NEBL: variants seen among roughly 807,000 people sequenced by gnomAD.
NEBL encodes LIM and SH3 protein 2.
NEBL carries 122 observed loss-of-function variants against 140.2 expected under a neutral mutation model. The ratio of observed to expected loss-of-function variants is 0.87; its 90% CI spans 0.75 to 1.01. NEBL has a LOEUF of 1.01. Among genes scored for constraint, NEBL ranks in the 50% least tolerant of loss-of-function variants. The probability of loss-of-function intolerance (pLI) is 0.00; values close to 1 mark genes in which losing one functional copy is unlikely to be tolerated. For missense variants in NEBL, 1,365 were observed against 1,231.3 expected (o/e 1.11, Z -1.62); for synonymous variants, 436 against 398.9 (o/e 1.09, Z -1.11).
chr10:20,943,963 G>A (rs1289428095), intron 4 of NEBL, among the ~76,000 whole-genome samples: 3 of 152,138 alleles, frequency 2.0e-5, no homozygotes, highest in Non-Finnish European at 2.9e-5. Context: ...CAATGTCTAC[G>A]GTCTAGTCTC....
At chr10:21,047,051 G>A (rs778049198) in intron 2 of NEBL, among the ~76,000 whole-genome samples, 2 of 152,176 alleles carry the variant, frequency 1.3e-5, no homozygotes, top group Non-Finnish European at 2.9e-5. Context: ...ATGGTTTACA[G>A]AATAAAATGT....
intron 4 of NEBL, among the ~76,000 whole-genome samples, chr10:20,928,271 G>A (rs1834007993): frequency 6.6e-6 from 1 of 152,094 alleles, no homozygotes; most frequent in African/African-American, 2.4e-5. Context: ...TTTAAACTAA[G>A]TAAAATTAAG....
intron 2 of NEBL, among the ~76,000 whole-genome samples, chr10:21,038,773 T>C (rs1434596672): frequency 6.6e-6 from 1 of 152,208 alleles, no homozygotes; most frequent in African/African-American, 2.4e-5. Context: ...TCTAGATCCT[T>C]GAGAAATCAC....
chr10:20,915,237 C>T (rs1270643253), intron 4 of NEBL, among the ~76,000 whole-genome samples: 1 of 151,866 alleles, frequency 6.6e-6, no homozygotes, highest in African/African-American at 2.4e-5. Flanking sequence ...TGCAAGGAAC[C>T]AGGCTTTGAA....
At chr10:20,902,162 G>A (rs1272697811), upstream of NEBL, among the ~76,000 whole-genome samples, 1 of 152,084 alleles carries the variant, frequency 6.6e-6, no homozygotes, top group African/African-American at 2.4e-5. Context: ...CCAGCACTTT[G>A]GGAGACCGAG....
chr10:21,061,447 GTATATTACATGATATATGATATATCA>G (rs1461936390), intron 2 of NEBL, among the ~76,000 whole-genome samples: 1 of 145,924 alleles, frequency 6.9e-6, no homozygotes, highest in African/African-American at 2.5e-5. Flanking sequence ...GATATATATC[GTATATTACATGATATATGATATATCA>G]TATATTACAT....
chr10:21,029,483 G>A, intron 2 of NEBL: 1 of 1,611,542 alleles, frequency 6.2e-7, no homozygotes, highest in Non-Finnish European at 8.5e-7. Context: ...GAGTCTCTAG[G>A]TAACAGGAGA....
At chr10:21,243,456 G>T (rs145507923) in intron 3 of NEBL, among the ~76,000 whole-genome samples, 1 of 151,894 alleles carries the variant, frequency 6.6e-6, no homozygotes, top group South Asian at 2.1e-4. Flanking sequence ...ACAGGTGCAC[G>T]CCATCACGCC....
At chr10:21,015,483 T>C (rs187843363) in intron 3 of NEBL, among the ~76,000 whole-genome samples, 16 of 152,334 alleles carry the variant, frequency 1.1e-4, no homozygotes, top group African/African-American at 3.8e-4. Context: ...ATTAAAATAA[T>C]CAGTAAATTT....
At chr10:21,024,170 T>C (rs570972345) in intron 2 of NEBL, among the ~76,000 whole-genome samples, 1 of 152,246 alleles carries the variant, frequency 6.6e-6, no homozygotes, top group African/African-American at 2.4e-5. Flanking sequence ...ATGCAATGTA[T>C]ACTGATATCT....
intron 1 of NEBL, among the ~76,000 whole-genome samples, chr10:21,255,383 A>T (rs1031605713): frequency 2.4e-4 from 36 of 152,124 alleles, no homozygotes; most frequent in Admixed American, 4.6e-4. Context: ...CGAGCTGAGG[A>T]TCTAACATGT....
intron 3 of NEBL, among the ~76,000 whole-genome samples, chr10:21,019,942 C>G (rs138010324): frequency 6.6e-6 from 1 of 152,152 alleles, no homozygotes; most frequent in Non-Finnish European, 1.5e-5. Flanking sequence ...AATTCAAGAC[C>G]GGGAACAGTA....
chr10:21,084,373 CGCT>C (rs1384302058), intron 2 of NEBL, among the ~76,000 whole-genome samples: 7 of 152,140 alleles, frequency 4.6e-5, no homozygotes, highest in Admixed American at 1.3e-4. Context: ...GTTTCTCTCT[CGCT>C]GCAATCACTG....
intron 4 of NEBL, among the ~76,000 whole-genome samples, chr10:20,931,888 A>G (rs1231362503): frequency 1.3e-5 from 2 of 152,256 alleles, no homozygotes; most frequent in African/African-American, 4.8e-5. Flanking sequence ...AAGGAAAGAA[A>G]TAATAAAGAA....
At chr10:20,917,695 A>T (rs1833372581) in intron 4 of NEBL, among the ~76,000 whole-genome samples, 1 of 152,204 alleles carries the variant, frequency 6.6e-6, no homozygotes. Context: ...CTCTCTAAAC[A>T]TCATGTAAAA....
In NEBL at chr10:20,889,998, T is replaced by A. The variant is rs77136151; in HGVS notation, c.154-49A>T. On this transcript the variant is annotated intron_variant, in intron 2 of 27. Transcript: ENST00000377122. The stretch of plus-strand genomic sequence containing the variant: ...AAGAAGAGAAAAAGAAAAACAATTC[T>A]AATGGCCTTTTTTGAATGATAATTA... 2.3e-3 allele frequency: 2,824 copies of A among 1,224,850 alleles called. 73 individuals carry two copies. In the East Asian group the frequency reaches 0.049, roughly 21 times the overall value. 75.9% of individuals were successfully genotyped at this position (1,224,850 alleles called of 1,614,324 possible). A position where few individuals can be genotyped will look rare whatever the true frequency, so the allele number is the denominator to read the frequency against.
intron 2 of NEBL, among the ~76,000 whole-genome samples, chr10:21,082,477 A>T (rs2131939283): frequency 6.7e-6 from 1 of 148,602 alleles, no homozygotes; most frequent in Middle Eastern, 3.4e-3. Flanking sequence ...AGGAATAAAA[A>T]TGTTCTTTGT....
chr10:20,807,653 G>C lies in NEBL; in HGVS notation c.2761+857C>G, dbSNP rs115034474. 2.0e-3 allele frequency among the ~76,000 whole-genome samples: 297 copies of C among 150,856 alleles called. 1 individual carries two copies. The highest frequency in any genetic ancestry group is 7.1e-3 in the African/African-American group (288 of 40,464). On this transcript the variant is annotated intron_variant, in intron 26 of 27. Coordinates refer to ENST00000377122, the MANE Select transcript of NEBL (RefSeq NM_006393.3). ...TTTTTACCCACCAAGGTGTTAAGTTGCTCAACCTCAAAATTTCCTACCTTT... is the reference window on the plus strand; with the variant it reads ...TTTTTACCCACCAAGGTGTTAAGTTCCTCAACCTCAAAATTTCCTACCTTT...
chr10:21,101,186 G>A (rs1377798477), intron 2 of NEBL, among the ~76,000 whole-genome samples: 2 of 152,126 alleles, frequency 1.3e-5, no homozygotes, highest in Non-Finnish European at 2.9e-5. Flanking sequence ...GTGAACAATC[G>A]GGAGACATTA....
Sources: gnomAD v4.1 joint callset for allele counts (sites outside exome capture counted in the v4.1 genomes callset) on GRCh38, gnomAD v4.1.1 for gene constraint, MANE v1.5 for transcripts, NCBI Gene and HGNC (gene_info 2026-07-23, HGNC 2026-07-21) for gene names.